Variants in ZCCHC7 observed in about 807,000 individuals in gnomAD.
ZCCHC7 encodes zinc finger CCHC-type containing 7.
A neutral mutation model predicts 52.0 loss-of-function variants in ZCCHC7; 35 were observed. The observed-to-expected ratio is 0.67, with a 90% CI of 0.51 to 0.89. ZCCHC7 has a LOEUF of 0.89. Ranked by LOEUF, ZCCHC7 falls within the 40% of genes least tolerant of loss-of-function variation. The pLI is 0.00. For synonymous variants in ZCCHC7, 217 were observed against 221.5 expected (o/e 0.98, Z 0.18); for missense variants, 574 against 649.1 (o/e 0.88, Z 1.26).
intron 2 of ZCCHC7, among the ~76,000 whole-genome samples, chr9:37,294,890 C>G (rs958065914): frequency 2.0e-5 from 3 of 152,024 alleles, no homozygotes; most frequent in African/African-American, 7.3e-5. Context: ...GCCCAGGATC[C>G]TTGAAAATAT....
At chr9:37,281,203 A>G (rs777115756) in intron 2 of ZCCHC7, among the ~76,000 whole-genome samples, 3 of 152,176 alleles carry the variant, frequency 2.0e-5, no homozygotes, top group Non-Finnish European at 4.4e-5. Flanking sequence ...ATTTGTAGAG[A>G]CAGTGTCTCC....
At chr9:37,319,162 T>G (rs993441642) in intron 5 of ZCCHC7, among the ~76,000 whole-genome samples, 4 of 41,024 alleles carry the variant, frequency 9.8e-5, no homozygotes, top group African/African-American at 3.2e-4. Flanking sequence ...ATGCACGCAC[T>G]TATCATCCTT....
chr9:37,190,289 A>T (rs1822950675), intron 2 of ZCCHC7, among the ~76,000 whole-genome samples: 2 of 150,970 alleles, frequency 1.3e-5, no homozygotes, highest in Admixed American at 6.6e-5. Context: ...TGAAAAGAAT[A>T]AAAAAAATGC....
chr9:37,328,877 AGAAAG>A (rs1361300825), intron 6 of ZCCHC7, among the ~76,000 whole-genome samples: 3 of 151,972 alleles, frequency 2.0e-5, no homozygotes, highest in Admixed American at 1.3e-4. Flanking sequence ...GATTTTCAGT[AGAAAG>A]CTGTAACTCC....
chr9:37,235,609 T>C (rs1432395125), intron 2 of ZCCHC7, among the ~76,000 whole-genome samples: 2 of 140,048 alleles, frequency 1.4e-5, no homozygotes, highest in African/African-American at 5.3e-5. Flanking sequence ...TTCTTTTCTT[T>C]CAAGACAAGT....
intron 6 of ZCCHC7, among the ~76,000 whole-genome samples, chr9:37,334,620 A>C (rs1830573966): frequency 6.6e-6 from 1 of 151,968 alleles, no homozygotes; most frequent in Non-Finnish European, 1.5e-5. Flanking sequence ...TAGACTTAAA[A>C]TTTATCAGTC....
intron 2 of ZCCHC7, among the ~76,000 whole-genome samples, chr9:37,234,784 G>T (rs1222996216): frequency 2.0e-5 from 3 of 151,974 alleles, no homozygotes; most frequent in Non-Finnish European, 4.4e-5. Flanking sequence ...ATTCTTCCAG[G>T]CCTTATGTGT....
intron 2 of ZCCHC7, among the ~76,000 whole-genome samples, chr9:37,260,278 T>A (rs76035168): frequency 0.013 from 1,996 of 152,328 alleles, 18 homozygotes; most frequent in Middle Eastern, 0.048. Flanking sequence ...ATCATTGCCA[T>A]TGCCAATCTG....
In ZCCHC7 at chr9:37,323,942, G is replaced by A. The variant is rs1157755684; in HGVS notation, c.952-3857G>A. Among the ~76,000 whole-genome samples, 5 of 152,208 alleles carry A rather than the reference G, an allele frequency of 3.3e-5. No homozygotes were observed. The South Asian group carries it at 6.2e-4, about 19-fold the overall frequency. On this transcript the variant is annotated intron_variant, in intron 5 of 8. Coordinates refer to ENST00000336755, the MANE Select transcript of ZCCHC7 (RefSeq NM_032226.3). ...CTGGTCTTGAGGCTTCAGAGTAGGGGCGTTCTTTTTAATAAAGGCACCTAA... is the reference window on the plus strand; with the variant it reads ...CTGGTCTTGAGGCTTCAGAGTAGGGACGTTCTTTTTAATAAAGGCACCTAA...
chr9:37,167,695 T>G (rs1215150480), intron 2 of ZCCHC7, among the ~76,000 whole-genome samples: 3 of 152,208 alleles, frequency 2.0e-5, no homozygotes, highest in Non-Finnish European at 4.4e-5. Context: ...TAAAATTAAA[T>G]TACCAAGAAA....
chr9:37,150,576 C>T (rs375346650), intron 2 of ZCCHC7, among the ~76,000 whole-genome samples: 5 of 152,084 alleles, frequency 3.3e-5, no homozygotes, highest in East Asian at 3.9e-4. Context: ...TGTCTCAGTA[C>T]AGGAACAGAA....
chr9:37,304,128 A>T, intron 3 of ZCCHC7, 60 bp from the exon 4 acceptor site: 1 of 1,531,454 alleles, frequency 6.5e-7, no homozygotes, highest in Non-Finnish European at 8.9e-7. Flanking sequence ...CAAGAGTAGT[A>T]GATGGCTTTT....
intron 5 of ZCCHC7, among the ~76,000 whole-genome samples, chr9:37,318,604 A>G (rs1829923892): frequency 6.6e-6 from 1 of 152,064 alleles, no homozygotes; most frequent in Non-Finnish European, 1.5e-5. Context: ...CTATATATGT[A>G]GATTTGCATA....
chr9:37,291,430 T>A (rs1246085072), intron 2 of ZCCHC7, among the ~76,000 whole-genome samples: 1 of 152,184 alleles, frequency 6.6e-6, no homozygotes, highest in Non-Finnish European at 1.5e-5. Context: ...ACACAATATA[T>A]GACAGGAATC....
At chr9:37,157,570 G>T (rs1052133541) in intron 2 of ZCCHC7, among the ~76,000 whole-genome samples, 8 of 152,124 alleles carry the variant, frequency 5.3e-5, no homozygotes, top group African/African-American at 1.9e-4. Context: ...TATCTAAAAT[G>T]TATAAGGAAC....
At chr9:37,253,899 A>G (rs930724641) in intron 2 of ZCCHC7, among the ~76,000 whole-genome samples, 12 of 152,106 alleles carry the variant, frequency 7.9e-5, no homozygotes, top group African/African-American at 2.2e-4. Context: ...AAATTATTAT[A>G]TATGCACTTA....
At chr9:37,306,705 C>T (rs1398085801) in intron 5 of ZCCHC7, among the ~76,000 whole-genome samples, 7 of 143,884 alleles carry the variant, frequency 4.9e-5, no homozygotes, top group East Asian at 2.1e-4. Flanking sequence ...CCTCATGATC[C>T]GCCCGCCTCG....
At chr9:37,285,392 A>G (rs1828159505) in intron 2 of ZCCHC7, among the ~76,000 whole-genome samples, 1 of 151,938 alleles carries the variant, frequency 6.6e-6, no homozygotes, top group African/African-American at 2.4e-5. Context: ...TTTCGAAATT[A>G]TTTCTCTTTC....
At chr9:37,341,887 T>G (rs1820661010) in intron 6 of ZCCHC7, among the ~76,000 whole-genome samples, 1 of 152,060 alleles carries the variant, frequency 6.6e-6, no homozygotes, top group Non-Finnish European at 1.5e-5. Flanking sequence ...ATGACAGGCT[T>G]GCTGTGAGGG....
Sources: gnomAD v4.1 joint callset for allele counts (sites outside exome capture counted in the v4.1 genomes callset) on GRCh38, gnomAD v4.1.1 for gene constraint, MANE v1.5 for transcripts, NCBI Gene and HGNC (gene_info 2026-07-23, HGNC 2026-07-21) for gene names.